The following NALF1 variants were observed in gnomAD, a reference collection of about 807,000 sequenced individuals.
NALF1 encodes NALCN channel auxiliary factor 1.
In NALF1, 3 loss-of-function variants were observed where a neutral mutation model predicts 48.4. That is an observed-to-expected ratio of 0.06 (90% confidence interval 0.03 to 0.16). NALF1 has a LOEUF of 0.16. Among genes scored for constraint, NALF1 ranks in the 10% least tolerant of loss-of-function variants. The pLI is 1.00. For synonymous variants in NALF1, 262 were observed against 245.7 expected, an observed-to-expected ratio of 1.07 and a Z score of -0.62; for missense variants, 526 against 571.5, an observed-to-expected ratio of 0.92 and a Z score of 0.81.
chr13:107,555,260 TATTA>T (rs111849596), intron 1 of NALF1, among the ~76,000 whole-genome samples: 10,386 of 150,958 alleles, frequency 0.069, 620 homozygotes, highest in African/African-American at 0.16. Flanking sequence ...TTTGATTTAT[TATTA>T]ATTAATTAAT....
chr13:107,822,710 G>A (rs1443937606), intron 1 of NALF1, among the ~76,000 whole-genome samples: 3 of 152,214 alleles, frequency 2.0e-5, no homozygotes, highest in African/African-American at 2.4e-5. Context: ...TAGCACTAAC[G>A]TGATTGAAAA....
intron 1 of NALF1, among the ~76,000 whole-genome samples, chr13:107,694,447 G>T (rs1356281570): frequency 6.6e-6 from 1 of 151,898 alleles, no homozygotes; most frequent in Non-Finnish European, 1.5e-5. Context: ...CAATTGTCAA[G>T]ACAATGACTG....
intron 1 of NALF1, among the ~76,000 whole-genome samples, chr13:107,250,654 A>C (rs1430338585): frequency 6.6e-6 from 1 of 152,182 alleles, no homozygotes; most frequent in Admixed American, 6.5e-5. Context: ...GGTAGAGCTG[A>C]GTCTTCTCTA....
chr13:107,758,249 A>C, intron 1 of NALF1, among the ~76,000 whole-genome samples: 1 of 152,362 alleles, frequency 6.6e-6, no homozygotes, highest in Non-Finnish European at 1.5e-5. Flanking sequence ...TTTCTACATA[A>C]GTGTGGGTGT....
intron 1 of NALF1, among the ~76,000 whole-genome samples, chr13:107,849,734 G>A (rs1175175746): frequency 6.6e-6 from 1 of 152,118 alleles, no homozygotes; most frequent in Non-Finnish European, 1.5e-5. Context: ...CAAAGAACCT[G>A]CCACTGTGTT....
chr13:107,365,385 T>C (rs1205171837), intron 1 of NALF1, among the ~76,000 whole-genome samples: 4 of 152,086 alleles, frequency 2.6e-5, no homozygotes, highest in Non-Finnish European at 5.9e-5. Context: ...CTCTCTCCAG[T>C]GTACTTTTCC....
At chr13:107,410,294 C>G (rs1253548845) in intron 1 of NALF1, among the ~76,000 whole-genome samples, 2 of 152,118 alleles carry the variant, frequency 1.3e-5, no homozygotes, top group Non-Finnish European at 2.9e-5. Context: ...GAAGGCCACA[C>G]CCTGCAGGTT....
At chr13:107,860,793 C>T (rs1201735836) in intron 1 of NALF1, among the ~76,000 whole-genome samples, 2 of 152,130 alleles carry the variant, frequency 1.3e-5, no homozygotes, top group East Asian at 1.9e-4. Flanking sequence ...AATTTGTTCT[C>T]GTACATTAAA....
In NALF1 at chr13:107,316,591, T is replaced by C. The variant is rs374716279; in HGVS notation, c.916-105836A>G. ...CCTGACTTTTTAATGATGGCCATTC[T>C]AACTGGTGTGAGATGGTATCTCATT... On this transcript the variant is annotated intron_variant, in intron 1 of 2. Coordinates refer to ENST00000375915, the MANE Select transcript of NALF1 (RefSeq NM_001080396.3). 3.1e-4 allele frequency among the ~76,000 whole-genome samples: 47 copies of C among 152,328 alleles called. 1 individual carries two copies. In the East Asian group the frequency reaches 7.7e-3, roughly 25 times the overall value.
rs757353566 is a variant in NALF1 at position 107,210,696 on chromosome 13, T to C, written c.975A>G (p.Arg325=). 6.2e-7 allele frequency: 1 copy of C among 1,612,310 alleles called. No homozygotes were observed. Among genetic ancestry groups the C allele is most frequent in the South Asian group, 1.1e-5 (1 of 91,042 alleles). Residue 325 remains arginine (R), a synonymous_variant, in exon 2 of 3, where the codon AGA becomes AGG. Transcript: ENST00000375915. ...AGTATTGCTTGCAAGGAATTGTCTT[T>C]CTGCAGTTAAACTGTGTGACTTCAA... ...QYFEVTQFNC[R]KTIPCKQYCL...
At chr13:107,301,254 A>G (rs1381983377) in intron 1 of NALF1, among the ~76,000 whole-genome samples, 1 of 152,218 alleles carries the variant, frequency 6.6e-6, no homozygotes, top group African/African-American at 2.4e-5. Context: ...CCATGGATTT[A>G]GTCATTTGTG....
intron 1 of NALF1, among the ~76,000 whole-genome samples, chr13:107,443,193 T>TATC (rs1451958396): frequency 7.3e-5 from 11 of 150,284 alleles, no homozygotes; most frequent in African/African-American, 2.8e-4. Context: ...TCTATCTATC[T>TATC]ATCTATCTAT....
intron 1 of NALF1, among the ~76,000 whole-genome samples, chr13:107,252,718 G>T (rs949740215): frequency 2.6e-5 from 4 of 152,100 alleles, no homozygotes; most frequent in East Asian, 1.9e-4. Flanking sequence ...ACCACGGTTA[G>T]GTTTGTTGTT....
chr13:107,174,842 G>A (rs1376811184), intron 2 of NALF1, among the ~76,000 whole-genome samples: 1 of 151,638 alleles, frequency 6.6e-6, no homozygotes, highest in Non-Finnish European at 1.5e-5. Context: ...CCCCCGCCCT[G>A]AACTCCTCCT....
chr13:107,628,182 G>A (rs749161581), intron 1 of NALF1, among the ~76,000 whole-genome samples: 1 of 151,978 alleles, frequency 6.6e-6, no homozygotes, highest in Non-Finnish European at 1.5e-5. Flanking sequence ...CCCTTGTAAT[G>A]GACAGTTGAC....
intron 1 of NALF1, among the ~76,000 whole-genome samples, chr13:107,227,839 AG>A (rs1880136383): frequency 6.6e-6 from 1 of 152,270 alleles, no homozygotes; most frequent in Admixed American, 6.5e-5. Context: ...ATAGGATTTT[AG>A]GAAGTATGAA....
intron 1 of NALF1, among the ~76,000 whole-genome samples, chr13:107,821,603 A>G (rs1287220155): frequency 1.3e-5 from 2 of 152,206 alleles, no homozygotes; most frequent in Non-Finnish European, 2.9e-5. Flanking sequence ...TCAAACTGTC[A>G]AGTCATGAAA....
intron 1 of NALF1, among the ~76,000 whole-genome samples, chr13:107,374,128 T>C (rs1292141400): frequency 1.3e-5 from 2 of 152,224 alleles, no homozygotes. Context: ...AGGATGCATA[T>C]TGTAACATCC....
intron 1 of NALF1, among the ~76,000 whole-genome samples, chr13:107,528,252 A>C (rs1158649830): frequency 6.6e-6 from 1 of 152,144 alleles, no homozygotes; most frequent in Non-Finnish European, 1.5e-5. Context: ...AATGGGGCCA[A>C]TATGTTCATG....
Sources: allele counts gnomAD v4.1 joint callset (sites outside exome capture counted in the v4.1 genomes callset), GRCh38; gene constraint gnomAD v4.1.1; transcripts MANE v1.5; gene names NCBI Gene and HGNC (gene_info 2026-07-23, HGNC 2026-07-21).